WDR93: variants seen among roughly 807,000 people sequenced by gnomAD.
WDR93 encodes WD repeat-containing protein 93.
Under a neutral mutation model 82.9 loss-of-function variants are expected in WDR93, and 73 were observed. That is an observed-to-expected ratio of 0.88 (90% CI 0.73 to 1.07). WDR93 has a LOEUF of 1.07. WDR93 is among the 50% of genes least tolerant of loss of function. The pLI is 0.00. For missense variants in WDR93, 738 were observed against 826.0 expected (o/e 0.89, Z 1.31); for synonymous variants, 283 against 300.1 (o/e 0.94, Z 0.59).
chr15:89,736,525 A>G lies in WDR93; in HGVS notation c.1608+972A>G, dbSNP rs1596125280. Among the ~76,000 whole-genome samples, 4 of 152,240 alleles carry G rather than the reference A, an allele frequency of 2.6e-5. No homozygotes were observed. In the Middle Eastern group the frequency reaches 0.01, roughly 391 times the overall value. The stretch of plus-strand genomic sequence containing the variant: ...TCCCATGGGCACTACCATCACTTAC[A>G]GGACCTGGAAAATCAGTTCACAAAG... On this transcript the variant is annotated intron_variant, in intron 14 of 16. Coordinates refer to ENST00000268130, the MANE Select transcript of WDR93 (RefSeq NM_020212.2).
At chr15:89,708,388 G>A (rs186849980) in intron 4 of WDR93, among the ~76,000 whole-genome samples, 3 of 152,036 alleles carry the variant, frequency 2.0e-5, no homozygotes, top group East Asian at 1.9e-4. Context: ...ACCTCCACCC[G>A]TCCTAGTGAC....
Position 89,702,914 on chromosome 15 carries a change from A to G in WDR93, c.304-36A>G, listed in dbSNP as rs4572363. The G allele has an allele frequency of 2.8e-3, 4,437 of 1,601,494 alleles. 118 individuals carry two copies. In the African/African-American group the frequency reaches 0.053, roughly 19 times the overall value. ...TAACTCATAATATTTGAAGACAGTG[A>G]CAACTGAAAATAATATTTTTTCTTT... On this transcript the variant is annotated intron_variant, in intron 2 of 16. Transcript: ENST00000268130.
chr15:89,720,103 T>C (rs1301092714), intron 7 of WDR93, among the ~76,000 whole-genome samples: 2 of 152,076 alleles, frequency 1.3e-5, no homozygotes, highest in Non-Finnish European at 2.9e-5. Flanking sequence ...CAGCTCCTCT[T>C]CTAGTTTCTT....
chr15:89,709,325 T>C (rs1965859827), intron 4 of WDR93, among the ~76,000 whole-genome samples: 1 of 152,106 alleles, frequency 6.6e-6, no homozygotes, highest in Non-Finnish European at 1.5e-5. Flanking sequence ...GTGGGGGTGA[T>C]TTATTTATTT....
rs1033516514 is a variant in WDR93 at position 89,712,159 on chromosome 15, CA to C, written c.640+58del. On this transcript the variant is annotated intron_variant, in intron 5 of 16. Transcript: ENST00000268130. ...AAATTTTCAGTCTCTTCCAATCTTC[CA>C]AATGATTGCTTTTGTCCCTCCAAAC... is the stretch of plus-strand genomic sequence containing the variant. 7.3e-6 allele frequency: 10 copies of C among 1,376,780 alleles called. No individual in the cohort carries two copies. In the African/African-American group the frequency reaches 1.5e-4, roughly 20 times the overall value. The allele number at this position is 1,376,780 out of a possible 1,614,324, so 85.3% of individuals were successfully genotyped here.
intron 8 of WDR93, among the ~76,000 whole-genome samples, chr15:89,724,672 A>T (rs993726932): frequency 6.6e-6 from 1 of 152,228 alleles, no homozygotes; most frequent in Non-Finnish European, 1.5e-5. Context: ...CTATTCACAA[A>T]AAAAAGATTA....
intron 13 of WDR93, among the ~76,000 whole-genome samples, chr15:89,734,325 C>G (rs755658199): frequency 6.6e-5 from 10 of 152,158 alleles, no homozygotes; most frequent in Non-Finnish European, 1.3e-4. Flanking sequence ...CTTCAGGCAG[C>G]TCACAGCTCT....
In WDR93 at chr15:89,702,054, G is replaced by A. The variant is rs745868146; in HGVS notation, c.303+5G>A. The A allele has an allele frequency of 1.9e-6, 3 of 1,597,582 alleles. No homozygotes were observed. The highest frequency in any genetic ancestry group is 2.6e-6 in the Non-Finnish European group (3 of 1,168,878). ...CCTCCACTTGGAGAAATCCAGGTAT[G>A]GAGTAAGCAGTTGACCAGGAGCCCC... On this transcript the variant is annotated splice_donor_5th_base_variant and intron_variant, in intron 2 of 16. Coordinates refer to ENST00000268130, the MANE Select transcript of WDR93 (RefSeq NM_020212.2).
chr15:89,697,627 T>C (rs1246605139), intron 1 of WDR93, among the ~76,000 whole-genome samples: 1 of 152,182 alleles, frequency 6.6e-6, no homozygotes, highest in Admixed American at 6.5e-5. Context: ...GGGTAGAGCG[T>C]TCTGTAACTG....
At position 89,705,747 on chromosome 15, in the gene WDR93, C is replaced by T. The variant is rs185150530; in HGVS notation, c.561+129C>T. ...AGAGACCTCCATGGCCAGAGAGCCTCCTCCAAAATATCCATTTAAAAGATC... is the reference window on the plus strand; with the variant it reads ...AGAGACCTCCATGGCCAGAGAGCCTTCTCCAAAATATCCATTTAAAAGATC... On this transcript the variant is annotated intron_variant, in intron 4 of 16. Coordinates refer to ENST00000268130, the MANE Select transcript of WDR93 (RefSeq NM_020212.2). 4.4e-6 allele frequency: 3 copies of T among 679,408 alleles called. No individual in the cohort carries two copies. The East Asian group carries it at 7.6e-5, about 17-fold the overall frequency. The allele number at this position is 679,408 out of a possible 1,614,324, so 42.1% of individuals were successfully genotyped here. A position where few individuals can be genotyped will look rare whatever the true frequency, so the allele number is the denominator to read the frequency against.
chr15:89,730,054 A>G (rs115185281), intron 11 of WDR93, among the ~76,000 whole-genome samples: 154 of 152,320 alleles, frequency 1.0e-3, no homozygotes, highest in African/African-American at 3.6e-3. Context: ...GCTGGGCGCA[A>G]TGGCTCACGC....
chr15:89,698,676 C>A (rs1350573683), intron 1 of WDR93, among the ~76,000 whole-genome samples: 1 of 152,098 alleles, frequency 6.6e-6, no homozygotes, highest in Non-Finnish European at 1.5e-5. Flanking sequence ...ACTTCCATTT[C>A]TCCCCTCCTA....
At chr15:89,711,526 A>AAG (rs71464480) in intron 4 of WDR93, among the ~76,000 whole-genome samples, 1 of 21,172 alleles carries the variant, frequency 4.7e-5, no homozygotes, top group Non-Finnish European at 1.3e-4. Context: ...AGCGAGTCTC[A>AAG]AAAAAAAAAA....
chr15:89,690,510 C>A, upstream of WDR93: 1 of 1,213,410 alleles, frequency 8.2e-7, no homozygotes. Context: ...TTCCCGGGTG[C>A]AGGGGAATAG....
intron 9 of WDR93, 62 bp from the exon 10 acceptor site, chr15:89,728,961 G>A: frequency 6.9e-7 from 1 of 1,450,962 alleles, no homozygotes; most frequent in Non-Finnish European, 9.7e-7. Context: ...CCAAGACTCT[G>A]CCAGCAGCTC....
intron 8 of WDR93, 55 bp downstream of exon 8, chr15:89,722,194 C>T (rs1966556063): frequency 7.7e-7 from 1 of 1,294,138 alleles, no homozygotes; most frequent in Admixed American, 2.2e-5. Context: ...GTTCTTTCTT[C>T]CTTTCCCCAT....
rs529424519 is a variant in WDR93, at chr15:89,716,387, T to C, written c.757-524T>C. Among the ~76,000 whole-genome samples, 8 of 152,330 alleles carry C rather than the reference T, an allele frequency of 5.3e-5. No homozygotes were observed. The East Asian group carries it at 1.3e-3, about 26-fold the overall frequency. On this transcript the variant is annotated intron_variant, in intron 6 of 16. Transcript: ENST00000268130. The stretch of plus-strand genomic sequence containing the variant: ...ACAAATTCCATAGTATCATACTTGG[T>C]ACTCAAAAAGATATATTTTTGTTTG...
rs564170466 is a variant in WDR93, at chr15:89,738,101, A to G, written c.1826A>G (p.Tyr609Cys). 2.5e-6 allele frequency: 4 copies of G among 1,613,928 alleles called. No individual in the cohort carries two copies. The highest frequency in any genetic ancestry group is 3.4e-6 in the Non-Finnish European group (4 of 1,179,978). ...DDAGIQYSVF[Y>C]FNFEACPLLE... is the part of the protein sequence containing the mutation. The stretch of plus-strand genomic sequence containing the variant: ...GCTGGAATCCAATATTCTGTTTTCT[A>G]TTTTAATTTTGAGGCCTGCCCACTC... Residue 609 changes from tyrosine to cysteine, a missense_variant, in exon 16 of 17, where the codon TAT (tyrosine) becomes TGT (cysteine). By Grantham distance (194) the Tyr-to-Cys change is radical. Coordinates refer to ENST00000268130, the MANE Select transcript of WDR93 (RefSeq NM_020212.2).
intron 1 of WDR93, among the ~76,000 whole-genome samples, chr15:89,698,168 A>G (rs1965282697): frequency 1.3e-5 from 2 of 152,004 alleles, no homozygotes; most frequent in Admixed American, 1.3e-4. Flanking sequence ...ATAGGCATGA[A>G]CCACTGCACC....
Sources: gnomAD v4.1 joint callset for allele counts (sites outside exome capture counted in the v4.1 genomes callset) on GRCh38, gnomAD v4.1.1 for gene constraint, MANE v1.5 for transcripts, NCBI Gene and HGNC (gene_info 2026-07-23, HGNC 2026-07-21) for gene names.